Variants in DCHS2 observed in about 807,000 individuals in gnomAD.
DCHS2 encodes the protein protocadherin-23.
A neutral mutation model predicts 182.4 loss-of-function variants in DCHS2; 142 were observed. The ratio of observed to expected loss-of-function variants is 0.78; its 90% CI spans 0.68 to 0.89. The LOEUF (loss-of-function observed/expected upper bound fraction) is 0.89, where lower values mean the gene tolerates loss of function less well. Among genes scored for constraint, DCHS2 ranks in the 40% least tolerant of loss-of-function variants. The pLI, the probability that DCHS2 is intolerant of heterozygous loss-of-function variation, is 0.00. For missense variants in DCHS2, 4,319 were observed against 4,198.6 expected (o/e 1.03, Z -0.79); for synonymous variants, 1,740 against 1,663.3 (o/e 1.05, Z -1.12).
At chr4:154,455,860 C>T (rs569868537) in intron 1 of DCHS2, among the ~76,000 whole-genome samples, 1 of 152,250 alleles carries the variant, frequency 6.6e-6, no homozygotes, top group South Asian at 2.1e-4. Flanking sequence ...GAGGCAGAGG[C>T]AGGTGGATCA....
At chr4:154,264,247 G>A (rs1169042666) in intron 14 of DCHS2, among the ~76,000 whole-genome samples, 1 of 152,064 alleles carries the variant, frequency 6.6e-6, no homozygotes, top group Non-Finnish European at 1.5e-5. Context: ...GAGAAGCAAG[G>A]CACCATAAAT....
chr4:154,260,068 T>C (rs145556609), intron 14 of DCHS2, among the ~76,000 whole-genome samples: 42 of 152,268 alleles, frequency 2.8e-4, no homozygotes, highest in South Asian at 1.0e-3. Flanking sequence ...GTGATTCACC[T>C]GCCTTGGCCT....
chr4:154,367,314 C>T (rs182294455), intron 2 of DCHS2, among the ~76,000 whole-genome samples: 20 of 152,166 alleles, frequency 1.3e-4, no homozygotes, highest in African/African-American at 2.9e-4. Flanking sequence ...GGAGGGAGAA[C>T]GGGCAGGAGG....
chr4:154,465,712 T>G (rs1735214050), intron 1 of DCHS2, among the ~76,000 whole-genome samples: 1 of 152,024 alleles, frequency 6.6e-6, no homozygotes, highest in South Asian at 2.1e-4. Flanking sequence ...CCATTTTCTA[T>G]TAGTCAGAAG....
intron 2 of DCHS2, among the ~76,000 whole-genome samples, chr4:154,367,615 T>C (rs552244124): frequency 6.6e-6 from 1 of 152,330 alleles, no homozygotes; most frequent in East Asian, 1.9e-4. Flanking sequence ...AAGCACCATT[T>C]TCTGTTTCTA....
At chr4:154,357,953 C>T (rs1729950226) in intron 3 of DCHS2, among the ~76,000 whole-genome samples, 1 of 152,182 alleles carries the variant, frequency 6.6e-6, no homozygotes, top group Non-Finnish European at 1.5e-5. Context: ...CATGAGCCTA[C>T]AGTTAGCCAG....
intron 16 of DCHS2, among the ~76,000 whole-genome samples, chr4:154,253,170 GGAGAGA>G (rs150322346): frequency 5.4e-5 from 8 of 147,696 alleles, no homozygotes; most frequent in Non-Finnish European, 7.5e-5. Flanking sequence ...TGGTGATGCT[GGAGAGA>G]GAGAGAGAGA....
chr4:154,463,695 TC>T (rs1433964135), intron 1 of DCHS2, among the ~76,000 whole-genome samples: 4 of 4,210 alleles, frequency 9.5e-4, no homozygotes, highest in Non-Finnish European at 0.013. Context: ...CTCTCTTTTC[TC>T]TCTCTCTCTC....
At chr4:154,300,222 T>A (rs1319417893) in intron 12 of DCHS2, among the ~76,000 whole-genome samples, 1 of 151,928 alleles carries the variant, frequency 6.6e-6, no homozygotes, top group African/African-American at 2.4e-5. Flanking sequence ...AGACATGAAT[T>A]TGGGAGGTAA....
At chr4:154,344,261 G>C (rs1034212984) in intron 3 of DCHS2, among the ~76,000 whole-genome samples, 2 of 152,124 alleles carry the variant, frequency 1.3e-5, no homozygotes, top group Admixed American at 6.5e-5. Context: ...ATGTGACATA[G>C]AGACACAAAG....
intron 1 of DCHS2, among the ~76,000 whole-genome samples, chr4:154,476,350 G>C (rs997850372): frequency 6.6e-6 from 1 of 152,192 alleles, no homozygotes; most frequent in East Asian, 1.9e-4. Context: ...ACAGTAAAGA[G>C]AGGCACAGAC....
rs1387199898 is a variant in DCHS2, at chr4:154,239,303, C to T, written c.7360-1G>A. On this transcript the variant is annotated splice_acceptor_variant, in intron 18 of 19. Transcript: ENST00000357232. LOFTEE classifies it high-confidence loss of function. ...CAGGTATTGATTCAGGAACTGTGAC[C>T]TGAGGGAAAAAGAGAAAAATAGGGA... is the stretch of plus-strand genomic sequence containing the variant. The T allele has an allele frequency of 6.2e-7, 1 of 1,611,196 alleles. No individual in the cohort carries two copies. Among genetic ancestry groups the T allele is most frequent in the Admixed American group, 1.7e-5 (1 of 59,198 alleles).
At chr4:154,373,339 A>G (rs1730730195) in intron 2 of DCHS2, among the ~76,000 whole-genome samples, 1 of 152,132 alleles carries the variant, frequency 6.6e-6, no homozygotes, top group South Asian at 2.1e-4. Flanking sequence ...CCCTGTAAAA[A>G]CTCAGTTCAT....
intron 3 of DCHS2, among the ~76,000 whole-genome samples, chr4:154,359,124 CAT>C (rs1278925152): frequency 6.6e-6 from 1 of 151,872 alleles, no homozygotes. Flanking sequence ...CAGGGACAAA[CAT>C]TAACTTTAAA....
chr4:154,278,192 A>T (rs539544141), intron 13 of DCHS2, among the ~76,000 whole-genome samples: 6 of 152,264 alleles, frequency 3.9e-5, no homozygotes, highest in Non-Finnish European at 7.4e-5. Flanking sequence ...CCCAGAAATT[A>T]AGGAGCTGAA....
intron 14 of DCHS2, among the ~76,000 whole-genome samples, chr4:154,260,637 A>G (rs1383442161): frequency 6.6e-6 from 1 of 152,024 alleles, no homozygotes; most frequent in Non-Finnish European, 1.5e-5. Context: ...TTCCTCAGGG[A>G]TTTTTCCAGA....
intron 1 of DCHS2, among the ~76,000 whole-genome samples, chr4:154,478,138 G>A (rs963278912): frequency 6.6e-6 from 1 of 152,180 alleles, no homozygotes; most frequent in African/African-American, 2.4e-5. Flanking sequence ...AACCTTTGCA[G>A]CTGTGCACAA....
intron 13 of DCHS2, among the ~76,000 whole-genome samples, chr4:154,277,680 C>A (rs1733917612): frequency 6.7e-6 from 1 of 148,756 alleles, no homozygotes; most frequent in South Asian, 2.1e-4. Flanking sequence ...CAAAAAATGG[C>A]TGAATCAATG....
In DCHS2 at chr4:154,236,759, A is replaced by T. The variant is rs1200625015; in HGVS notation, c.7893T>A (p.His2631Gln). The change falls in exon 20 of 20, where the codon CAT becomes CAA. Residue 2631 changes from histidine (H) to glutamine (Q), a missense_variant. Physicochemically the swap from His to Gln is conservative, Grantham distance 24. Coordinates refer to ENST00000357232, the MANE Select transcript of DCHS2 (RefSeq NM_001358235.2). ...TGTCAGATGCCAGAATGACAAGCTC[A>T]TGGCTAGCACTTGCTTCTCTGTCCA... ...HSLDREASAS[H>Q]ELVILASDSG... The T allele has an allele frequency of 6.2e-7, 1 of 1,614,044 alleles. No individual in the cohort carries two copies. The highest frequency in any genetic ancestry group is 2.2e-5 in the East Asian group (1 of 44,842).
Sources: gnomAD v4.1 joint callset for allele counts (sites outside exome capture counted in the v4.1 genomes callset) on GRCh38, gnomAD v4.1.1 for gene constraint, MANE v1.5 for transcripts, NCBI Gene and HGNC (gene_info 2026-07-23, HGNC 2026-07-21) for gene names.